SLC43A3: variants seen among roughly 807,000 people sequenced by gnomAD.
The protein encoded by SLC43A3 is solute carrier family 43 member 3.
Under a neutral mutation model 53.3 loss-of-function variants are expected in SLC43A3, and 33 were observed. The observed-to-expected ratio is 0.62, with a 90% CI of 0.47 to 0.83. The LOEUF is 0.83. Among genes scored for constraint, SLC43A3 ranks in the 40% least tolerant of loss-of-function variants. The pLI is 0.00. For synonymous variants in SLC43A3, 236 were observed against 246.2 expected, an observed-to-expected ratio of 0.96 and a Z score of 0.39; for missense variants, 530 against 610.0, an observed-to-expected ratio of 0.87 and a Z score of 1.38.
At chr11:57,415,457 G>T in intron 9 of SLC43A3, 1 of 1,270,048 alleles carries the variant, frequency 7.9e-7, no homozygotes, top group Middle Eastern at 2.1e-4. Context: ...GAAGGGAGAG[G>T]AGAATGAGTG....
In SLC43A3 at chr11:57,415,100, G is replaced by C; in HGVS notation, c.776C>G (p.Pro259Arg). 1 of 1,608,904 alleles carries C rather than the reference G, an allele frequency of 6.2e-7. No homozygotes were observed. Among genetic ancestry groups the C allele is most frequent in the Non-Finnish European group, 8.5e-7 (1 of 1,177,350 alleles). ...KEFLSAKEET[P>R]GAGQKQELRS... is the part of the protein sequence containing the mutation. ...GAGTTCCTGCTTCTGCCCTGCCCCT[G>C]GGGTCTCTAATGGGGAGAGGAGGAT... is the stretch of plus-strand genomic sequence containing the variant. Residue 259 changes from proline (P) to arginine (R), a missense_variant, in exon 10 of 14, where the codon CCA becomes CGA. Coordinates refer to ENST00000395124, the MANE Select transcript of SLC43A3 (RefSeq NM_199329.3).
chr11:57,420,023 C>A (rs138298700), intron 7 of SLC43A3, among the ~76,000 whole-genome samples: 5 of 152,244 alleles, frequency 3.3e-5, no homozygotes, highest in Non-Finnish European at 7.4e-5. Context: ...TTCTCTGCCC[C>A]CATAACCTGC....
chr11:57,423,150 A>G (rs1943060478), intron 5 of SLC43A3, among the ~76,000 whole-genome samples: 1 of 152,308 alleles, frequency 6.6e-6, no homozygotes, highest in Non-Finnish European at 1.5e-5. Context: ...GGCCATGGAC[A>G]TGTCTTTGCA....
chr11:57,426,596 T>C lies in SLC43A3; in HGVS notation c.-189A>G, dbSNP rs1943209108. 6.3e-6 allele frequency: 1 copy of C among 158,940 alleles called. No individual in the cohort carries two copies. The highest frequency in any genetic ancestry group is 1.4e-5 in the Non-Finnish European group (1 of 72,404). 9.8% of individuals were successfully genotyped at this position (158,940 alleles called of 1,614,324 possible). On this transcript the variant is annotated 5_prime_UTR_variant, in exon 2 of 14. Transcript: ENST00000395124. Reference sequence around the variant, plus strand: ...TGAGATAAACGACTTACCCAATAGCTCCCCGGGAGCAGGTGGAGAAGCGGA... The same window carrying C: ...TGAGATAAACGACTTACCCAATAGCCCCCCGGGAGCAGGTGGAGAAGCGGA...
At position 57,417,761 on chromosome 11, in the gene SLC43A3, T is replaced by C. The variant is rs760799325; in HGVS notation, c.658A>G (p.Asn220Asp). 32 of 1,614,006 alleles carry C rather than the reference T, an allele frequency of 2.0e-5. No homozygotes were observed. Among genetic ancestry groups the C allele is most frequent in the Non-Finnish European group, 2.7e-5 (32 of 1,180,018 alleles). The change falls in exon 8 of 14, where the codon AAC becomes GAC. Residue 220 changes from asparagine to aspartate, a missense_variant. By Grantham distance (23) the Asn-to-Asp change is conservative. Around this residue, in one of 3 missense-constraint regions of SLC43A3, gnomAD observed 376 missense variants for 386.7 expected, o/e 0.97. Transcript: ENST00000395124. ...RGHIPYPLPP[N>D]YSYGLCPGNG... is the part of the protein sequence containing the mutation. ...GATAGTCCTTACCCATAGCTGTAGT[T>C]GGGGGGCAGTGGGTATGGGATGTGC... is the stretch of plus-strand genomic sequence containing the variant.
In SLC43A3 at chr11:57,407,658, CTTTAT is replaced by C; in HGVS notation, c.*129_*133del. ...TTGCTGCGCAGACGTCCTTGTGTGT[CTTTAT>C]TTTGTGTGTGTGTGTGTGTGTGTGT... On this transcript the variant is annotated 3_prime_UTR_variant, in exon 14 of 14. Coordinates refer to ENST00000395124, the MANE Select transcript of SLC43A3 (RefSeq NM_199329.3). The C allele has an allele frequency of 5.2e-6, 3 of 581,186 alleles. No homozygotes were observed. The highest frequency in any genetic ancestry group is 4.2e-5 in the South Asian group (2 of 48,078). 36.0% of individuals were successfully genotyped at this position (581,186 alleles called of 1,614,324 possible).
intron 6 of SLC43A3, 21 bp downstream of exon 6, chr11:57,421,276 G>A (rs763604561): frequency 6.3e-7 from 1 of 1,597,106 alleles, no homozygotes; most frequent in Non-Finnish European, 8.6e-7. Context: ...CCGAGTGCCT[G>A]GGATTAGGGA....
At chr11:57,409,088 T>C in intron 13 of SLC43A3, 87 bp downstream of exon 13, 2 of 1,355,954 alleles carry the variant, frequency 1.5e-6, no homozygotes, top group Non-Finnish European at 2.1e-6. Flanking sequence ...CCATGCTACA[T>C]ACCCAGGCCA....
chr11:57,410,143 A>G, intron 11 of SLC43A3, 22 bp from the exon 12 acceptor site: 1 of 1,561,682 alleles, frequency 6.4e-7, no homozygotes, highest in Non-Finnish European at 8.7e-7. Flanking sequence ...GAGAGGAAAA[A>G]GAAGCTCTCT....
chr11:57,416,154 T>G (rs984568720), intron 9 of SLC43A3, among the ~76,000 whole-genome samples: 14 of 152,098 alleles, frequency 9.2e-5, no homozygotes, highest in African/African-American at 3.1e-4. Context: ...TTGTGATGTG[T>G]GTAACCAAAG....
rs375121642 is a variant in SLC43A3 at position 57,421,331 on chromosome 11, A to G, written c.404T>C (p.Ile135Thr). The change falls in exon 6 of 14, where the codon ATT becomes ACT. Residue 135 changes from isoleucine to threonine, a missense_variant. Physicochemically the swap from Ile to Thr is moderately conservative, Grantham distance 89. This residue lies in a region of SLC43A3 where 376 missense variants were observed against 386.7 expected (regional missense o/e 0.97). Coordinates refer to ENST00000395124, the MANE Select transcript of SLC43A3 (RefSeq NM_199329.3). ...GGTGATGAGAAACAGGATTCCCCCAATGGTGAGCATTGGCATGGCCAGGAA... is the reference window on the plus strand; with the variant it reads ...GGTGATGAGAAACAGGATTCCCCCAGTGGTGAGCATTGGCATGGCCAGGAA... Reference protein sequence around the residue: ...LLFLAMPMLTIGGILFLITNL... With the variant: ...LLFLAMPMLTTGGILFLITNL... 42 of 1,613,846 alleles carry G rather than the reference A, an allele frequency of 2.6e-5. No homozygotes were observed. The highest frequency in any genetic ancestry group is 3.2e-5 in the Non-Finnish European group (38 of 1,179,954).
At position 57,421,420 on chromosome 11, in the gene SLC43A3, A is replaced by G. The variant is rs1942984379; in HGVS notation, c.362-47T>C. The G allele has an allele frequency of 2.1e-5, 30 of 1,432,136 alleles. No individual in the cohort carries two copies. The East Asian group carries it at 6.6e-4, about 32-fold the overall frequency. The allele number at this position is 1,432,136 out of a possible 1,614,324, so 88.7% of individuals were successfully genotyped here. A position where few individuals can be genotyped will look rare whatever the true frequency, so the allele number is the denominator to read the frequency against. ...TAGGGTGGTGTCATAGTGCAACCCA[A>G]ACATGGAGCCCCAAACTCTGCTCCC... On this transcript the variant is annotated intron_variant, in intron 5 of 13. Coordinates refer to ENST00000395124, the MANE Select transcript of SLC43A3 (RefSeq NM_199329.3).
intron 11 of SLC43A3, among the ~76,000 whole-genome samples, chr11:57,413,454 G>A (rs1301974890): frequency 6.6e-6 from 1 of 152,136 alleles, no homozygotes; most frequent in Non-Finnish European, 1.5e-5. Context: ...AGTAAAAGAG[G>A]CCTTATTTGT....
At chr11:57,423,906 GC>G in intron 5 of SLC43A3, 75 bp downstream of exon 5, 2 of 1,271,138 alleles carry the variant, frequency 1.6e-6, no homozygotes, top group South Asian at 2.4e-5. Context: ...CTTGCCTATA[GC>G]CCTCTGCTCA....
intron 11 of SLC43A3, among the ~76,000 whole-genome samples, chr11:57,412,634 G>A (rs1942526589): frequency 6.6e-6 from 1 of 152,074 alleles, no homozygotes; most frequent in African/African-American, 2.4e-5. Flanking sequence ...CCAACATGGT[G>A]AAACCCCATC....
At chr11:57,423,170 G>C (rs1187196911) in intron 5 of SLC43A3, among the ~76,000 whole-genome samples, 1 of 152,210 alleles carries the variant, frequency 6.6e-6, no homozygotes, top group African/African-American at 2.4e-5. Context: ...AAGGGGTCCT[G>C]CTGTGGCTTC....
At chr11:57,415,149 T>C in intron 9 of SLC43A3, 43 bp from the exon 10 acceptor site, 1 of 1,587,260 alleles carries the variant, frequency 6.3e-7, no homozygotes, top group Non-Finnish European at 8.6e-7. Context: ...ACGAGGAAAG[T>C]GGACAGGTAG....
chr11:57,426,137 T>C lies in SLC43A3; in HGVS notation c.36A>G (p.Thr12=), dbSNP rs1346034553. 3 of 1,614,058 alleles carry C rather than the reference T, an allele frequency of 1.9e-6. No individual in the cohort carries two copies. In the East Asian group the frequency reaches 6.7e-5, roughly 36 times the overall value. ...AGQGLPLHVA[T]LLTGLLECLG... ...GGCATTCCAGCAGCCCAGTCAGCAG[T>C]GTGGCCACGTGCAGGGGCAGGCCCT... The change falls in exon 3 of 14, where the codon ACA becomes ACG. Residue 12 remains threonine (T), a synonymous_variant. Transcript: ENST00000395124.
At chr11:57,411,862 T>C (rs116216497) in intron 11 of SLC43A3, among the ~76,000 whole-genome samples, 1,592 of 152,308 alleles carry the variant, frequency 0.01, 29 homozygotes, top group African/African-American at 0.035. Context: ...TATGTGTATG[T>C]ACATTTACAT....
Sources: allele counts gnomAD v4.1 joint callset (sites outside exome capture counted in the v4.1 genomes callset), GRCh38; gene constraint gnomAD v4.1.1; regional missense constraint gnomAD v4.1.1; transcripts MANE v1.5; gene names NCBI Gene and HGNC (gene_info 2026-07-23, HGNC 2026-07-21).